The following ARAP2 variants were observed in gnomAD, a reference collection of about 807,000 sequenced individuals.
ARAP2 encodes ArfGAP with RhoGAP domain, ankyrin repeat and PH domain 2.
In ARAP2, 148 loss-of-function variants were observed where a neutral mutation model predicts 194.5. That is an observed-to-expected ratio of 0.76 (90% CI 0.67 to 0.87). The LOEUF (loss-of-function observed/expected upper bound fraction) is 0.87. Among genes scored for constraint, ARAP2 ranks in the 40% least tolerant of loss-of-function variants. The probability of loss-of-function intolerance (pLI) is 0.00; values close to 1 mark genes in which losing one functional copy is unlikely to be tolerated. For synonymous variants in ARAP2, 695 were observed against 683.5 expected (o/e 1.02, Z -0.26); for missense variants, 2,128 against 1,989.7 (o/e 1.07, Z -1.32).
chr4:36,156,886 T>A (rs1201273609), intron 15 of ARAP2, among the ~76,000 whole-genome samples: 1 of 152,220 alleles, frequency 6.6e-6, no homozygotes, highest in East Asian at 1.9e-4. Context: ...TTAAATTACA[T>A]ATACAGATAA....
chr4:36,210,469 T>C lies in ARAP2; in HGVS notation c.1408A>G (p.Ile470Val), dbSNP rs200994795. The C allele has an allele frequency of 1.8e-5, 29 of 1,613,936 alleles. 1 individual carries two copies. The highest frequency in any genetic ancestry group is 2.7e-5 in the African/African-American group (2 of 75,034). Residue 470 changes from isoleucine (I) to valine (V), a missense_variant, in exon 6 of 33, where the codon ATA becomes GTA. Transcript: ENST00000303965. ...ADSSAVSSQA[I>V]SPYACFYGAS... ...CCATAAAAGCAGGCATAGGGAGATATTGCCTGTGAAGAAACGGCTGATGAA... is the reference window on the plus strand; with the variant it reads ...CCATAAAAGCAGGCATAGGGAGATACTGCCTGTGAAGAAACGGCTGATGAA...
chr4:36,128,860 G>T, intron 20 of ARAP2, 115 bp from the exon 21 acceptor site: 1 of 815,406 alleles, frequency 1.2e-6, no homozygotes. Flanking sequence ...AAATCATTAC[G>T]CAAGAGATGA....
chr4:36,159,514 TAAAAG>T lies in ARAP2; in HGVS notation c.2443-14_2443-10del, dbSNP rs1208372124. On this transcript the variant is annotated splice_polypyrimidine_tract_variant and intron_variant, in intron 13 of 32. Coordinates refer to ENST00000303965, the MANE Select transcript of ARAP2 (RefSeq NM_015230.4). Reference sequence around the variant, plus strand: ...ACAGCAGCACATAGAGCCTGGTCATTAAAAGAAAATATACATCTTAAGGAAAGAAA... The same window carrying T: ...ACAGCAGCACATAGAGCCTGGTCATTAAAATATACATCTTAAGGAAAGAAA... 6.7e-7 allele frequency: 1 copy of T among 1,501,504 alleles called. No individual in the cohort carries two copies. The highest frequency in any genetic ancestry group is 2.1e-5 in the Admixed American group (1 of 47,772). The allele number at this position is 1,501,504 out of a possible 1,614,324, so 93.0% of individuals were successfully genotyped here.
chr4:36,099,745 C>G (rs1411446263), intron 27 of ARAP2, among the ~76,000 whole-genome samples: 1 of 152,096 alleles, frequency 6.6e-6, no homozygotes, highest in Non-Finnish European at 1.5e-5. Context: ...TCTGCTAGAT[C>G]GCAGACAGTA....
chr4:36,229,659 A>T lies in ARAP2; in HGVS notation c.-159-14T>A. The T allele has an allele frequency of 2.2e-6, 1 of 457,992 alleles. No individual in the cohort carries two copies. The highest frequency in any genetic ancestry group is 3.8e-6 in the Non-Finnish European group (1 of 262,748). The allele number at this position is 457,992 out of a possible 1,614,324, so 28.4% of individuals were successfully genotyped here. A position where few individuals can be genotyped will look rare whatever the true frequency, so the allele number is the denominator to read the frequency against. On this transcript the variant is annotated splice_polypyrimidine_tract_variant and intron_variant, in intron 1 of 32. Transcript: ENST00000303965. The stretch of plus-strand genomic sequence containing the variant: ...ACCTGCTTAAGCCTAGAAAAAAATA[A>T]AAAATGATTCATTAGGCTATTTTAA...
Position 36,148,491 on chromosome 4 carries a change from C to G in ARAP2, c.2914G>C (p.Glu972Gln), listed in dbSNP as rs1308957439. The G allele has an allele frequency of 6.2e-7, 1 of 1,612,266 alleles. No homozygotes were observed. The highest frequency in any genetic ancestry group is 1.3e-5 in the African/African-American group (1 of 74,754). ...YLNTGPIFIF[E>Q]IYLPSERVFL... ...ACACGTTCGGAGGGTAAGTAGATCT[C>G]AAAGATAAAGATGGGCCTAAAACAT... The change falls in exon 17 of 33, where the codon GAG (glutamate) becomes CAG (glutamine). Residue 972 changes from glutamate (E) to glutamine (Q), a missense_variant. Physicochemically the swap from Glu to Gln is conservative, Grantham distance 29. Transcript: ENST00000303965.
intron 20 of ARAP2, among the ~76,000 whole-genome samples, chr4:36,132,847 T>C (rs190183039): frequency 1.2e-3 from 187 of 151,910 alleles, no homozygotes; most frequent in African/African-American, 4.4e-3. Context: ...AAAACATGCT[T>C]AGATGTGTTG....
At chr4:36,158,992 G>C in intron 14 of ARAP2, 128 bp from the exon 15 acceptor site, 1 of 890,916 alleles carries the variant, frequency 1.1e-6, no homozygotes, top group African/African-American at 1.7e-5. Context: ...AATAATTACA[G>C]AGATACTTAT....
Position 36,229,422 on chromosome 4 carries a change from T to C in ARAP2, c.65A>G (p.Gln22Arg), listed in dbSNP as rs1751005076. Residue 22 changes from glutamine to arginine, a missense_variant, in exon 2 of 33, where the codon CAG becomes CGG. Physicochemically the swap from Gln to Arg is conservative, Grantham distance 43. Transcript: ENST00000303965. ...KDFLMSINLE[Q>R]YLLHFHESGF... ...AGACTCATGGAAATGTAAGAGATAC[T>C]GCTCCAAATTAATGCTCATTAGGAA... 6.2e-7 allele frequency: 1 copy of C among 1,613,842 alleles called. No homozygotes were observed. Among genetic ancestry groups the C allele is most frequent in the Non-Finnish European group, 8.5e-7 (1 of 1,179,806 alleles).
At chr4:36,212,331 G>T in intron 5 of ARAP2, 65 bp downstream of exon 5, 2 of 1,308,148 alleles carry the variant, frequency 1.5e-6, no homozygotes, top group Non-Finnish European at 2.2e-6. Flanking sequence ...TACTAAGAAT[G>T]AGAAGTCAAC....
chr4:36,056,876 C>T (rs2109264733), intron 2 of ARAP2, among the ~76,000 whole-genome samples: 1 of 152,084 alleles, frequency 6.6e-6, no homozygotes, highest in Admixed American at 6.5e-5. Flanking sequence ...CACTTCTTCC[C>T]TGACAATGCT....
intron 6 of ARAP2, among the ~76,000 whole-genome samples, chr4:36,198,728 G>A (rs1251210278): frequency 2.0e-5 from 3 of 152,228 alleles, no homozygotes; most frequent in Non-Finnish European, 4.4e-5. Flanking sequence ...CAGACACTGG[G>A]AGCAGGGAGA....
intron 32 of ARAP2, among the ~76,000 whole-genome samples, chr4:36,069,005 AG>A (rs1369692854): frequency 7.0e-6 from 1 of 143,392 alleles, no homozygotes; most frequent in East Asian, 2.1e-4. Context: ...ACTCCTGCTT[AG>A]ATATGTCTAG....
intron 1 of ARAP2, among the ~76,000 whole-genome samples, chr4:36,230,425 T>C (rs1220365629): frequency 1.3e-5 from 2 of 152,242 alleles, no homozygotes; most frequent in Admixed American, 1.3e-4. Context: ...GGCAGCATTG[T>C]ATGTAAACAA....
At chr4:36,198,011 T>C (rs1743515023) in intron 6 of ARAP2, among the ~76,000 whole-genome samples, 1 of 152,200 alleles carries the variant, frequency 6.6e-6, no homozygotes, top group Non-Finnish European at 1.5e-5. Context: ...CCTGTTTGTG[T>C]TACAGCTCTT....
chr4:36,078,768 A>T (rs1338384861), intron 31 of ARAP2, among the ~76,000 whole-genome samples: 1 of 152,172 alleles, frequency 6.6e-6, no homozygotes, highest in Non-Finnish European at 1.5e-5. Flanking sequence ...CCAATTATAA[A>T]AACAAAAACA....
chr4:36,175,327 C>T (rs906851115), intron 9 of ARAP2, among the ~76,000 whole-genome samples: 5 of 152,166 alleles, frequency 3.3e-5, no homozygotes, highest in Non-Finnish European at 5.9e-5. Context: ...TGGCAGAAAG[C>T]CCTCTGCACT....
At chr4:36,182,647 T>C (rs1739560058) in intron 8 of ARAP2, among the ~76,000 whole-genome samples, 1 of 152,118 alleles carries the variant, frequency 6.6e-6, no homozygotes, top group Admixed American at 6.6e-5. Flanking sequence ...ATGAGATGAT[T>C]AAAATAATCC....
At chr4:36,033,669 T>G (rs1719398220) in intron 5 of ARAP2, among the ~76,000 whole-genome samples, 1 of 152,084 alleles carries the variant, frequency 6.6e-6, no homozygotes, top group Non-Finnish European at 1.5e-5. Context: ...CCATTTTTAA[T>G]TATTTGCTTT....
Sources: allele counts gnomAD v4.1 joint callset (sites outside exome capture counted in the v4.1 genomes callset), GRCh38; gene constraint gnomAD v4.1.1; transcripts MANE v1.5; gene names NCBI Gene and HGNC (gene_info 2026-07-23, HGNC 2026-07-21).